The following MOXD1 variants were observed in gnomAD, a reference collection of about 807,000 sequenced individuals.
MOXD1 encodes DBH-like monooxygenase protein 1.
In MOXD1, 62 loss-of-function variants were observed where a neutral mutation model predicts 66.6. That is an observed-to-expected ratio of 0.93 (90% CI 0.76 to 1.15). MOXD1 has a LOEUF of 1.15. Among genes scored for constraint, MOXD1 ranks in the 50% most tolerant of loss-of-function variants. The probability of loss-of-function intolerance (pLI) is 0.00; values close to 1 mark genes in which losing one functional copy is unlikely to be tolerated. For missense variants in MOXD1, 847 were observed against 754.6 expected, an observed-to-expected ratio of 1.12 and a Z score of -1.44; for synonymous variants, 303 against 281.9, an observed-to-expected ratio of 1.07 and a Z score of -0.75.
chr6:132,317,429 A>G (rs549478071), intron 9 of MOXD1, among the ~76,000 whole-genome samples: 2 of 152,282 alleles, frequency 1.3e-5, no homozygotes, highest in African/African-American at 4.8e-5. Flanking sequence ...TCAGAGTTGT[A>G]CCAAATTGTA....
At chr6:132,313,262 G>A (rs1009958559) in intron 10 of MOXD1, among the ~76,000 whole-genome samples, 5 of 152,086 alleles carry the variant, frequency 3.3e-5, no homozygotes, top group South Asian at 2.1e-4. Context: ...CTATAAAACC[G>A]GGATTGCATG....
At chr6:132,377,358 T>C (rs1776415276) in intron 1 of MOXD1, among the ~76,000 whole-genome samples, 1 of 152,224 alleles carries the variant, frequency 6.6e-6, no homozygotes, top group Admixed American at 6.5e-5. Flanking sequence ...GAACTCATAT[T>C]TCATTACATG....
chr6:132,366,855 A>G (rs1022139195), intron 4 of MOXD1, among the ~76,000 whole-genome samples: 3 of 152,114 alleles, frequency 2.0e-5, no homozygotes, highest in Non-Finnish European at 2.9e-5. Flanking sequence ...TCAATTTTCG[A>G]GTGGCTATTT....
chr6:132,333,471 T>C (rs1409098174), intron 4 of MOXD1, among the ~76,000 whole-genome samples: 1 of 152,118 alleles, frequency 6.6e-6, no homozygotes, highest in Non-Finnish European at 1.5e-5. Flanking sequence ...TTGCCTCTAT[T>C]CAAAAATATT....
In MOXD1 at chr6:132,349,406, CATATATATATAT is replaced by C. The variant is rs539329852; in HGVS notation, c.664-20824_664-20813del. On this transcript the variant is annotated intron_variant, in intron 4 of 11. Coordinates refer to ENST00000367963, the MANE Select transcript of MOXD1 (RefSeq NM_015529.4). ...GTATATATATATACACATATATATA[CATATATATATAT>C]ATACATATATATATATACATATATA... Among the ~76,000 whole-genome samples, 2 of 72,044 alleles carry C rather than the reference CATATATATATAT, an allele frequency of 2.8e-5. 1 individual carries two copies. Among genetic ancestry groups the C allele is most frequent in the Non-Finnish European group, 4.8e-5 (2 of 41,514 alleles). 47.3% of individuals were successfully genotyped at this position (72,044 alleles called of 152,430 possible).
At chr6:132,326,796 A>C (rs1188023718) in intron 6 of MOXD1, among the ~76,000 whole-genome samples, 3 of 152,214 alleles carry the variant, frequency 2.0e-5, no homozygotes, top group East Asian at 1.9e-4. Context: ...TTAGGGTAAA[A>C]AAAGATACTT....
chr6:132,296,716 A>G lies in MOXD1; in HGVS notation c.*437T>C, dbSNP rs1006656937. 2.6e-5 allele frequency: 4 copies of G among 153,164 alleles called. No individual in the cohort carries two copies. The highest frequency in any genetic ancestry group is 2.6e-4 in the Admixed American group (4 of 15,392). 9.5% of individuals were successfully genotyped at this position (153,164 alleles called of 1,614,324 possible). A position where few individuals can be genotyped will look rare whatever the true frequency, so the allele number is the denominator to read the frequency against. On this transcript the variant is annotated 3_prime_UTR_variant, in exon 12 of 12. Coordinates refer to ENST00000367963, the MANE Select transcript of MOXD1 (RefSeq NM_015529.4). ...ACACTTGAAAAGTCACACTAGAAGA[A>G]CAACAAAGAAGAAGAAAACTGGAAT...
intron 10 of MOXD1, among the ~76,000 whole-genome samples, chr6:132,299,025 G>A (rs1774472041): frequency 6.6e-6 from 1 of 152,016 alleles, no homozygotes; most frequent in Non-Finnish European, 1.5e-5. Context: ...ATCAACCAAG[G>A]TGTCCATCAA....
chr6:132,352,997 T>G (rs1361043153), intron 4 of MOXD1, among the ~76,000 whole-genome samples: 10 of 152,202 alleles, frequency 6.6e-5, no homozygotes, highest in Admixed American at 5.9e-4. Context: ...TGAAATGCCT[T>G]TCTCCACCCC....
intron 4 of MOXD1, among the ~76,000 whole-genome samples, chr6:132,341,168 T>C (rs771002278): frequency 5.3e-5 from 8 of 152,174 alleles, no homozygotes; most frequent in African/African-American, 1.7e-4. Context: ...GTAGGGTCTT[T>C]AAGAGGTGAT....
At chr6:132,325,257 G>T (rs995726999) in intron 6 of MOXD1, 3 of 152,208 alleles carry the variant, frequency 2.0e-5, no homozygotes, top group Non-Finnish European at 4.4e-5. Context: ...TGACTCTGGA[G>T]CTGACCAACC....
At chr6:132,380,891 T>C (rs180789597) in intron 1 of MOXD1, among the ~76,000 whole-genome samples, 1 of 152,236 alleles carries the variant, frequency 6.6e-6, no homozygotes. Context: ...TCTGGGAATG[T>C]TGTTGTGACC....
intron 1 of MOXD1, among the ~76,000 whole-genome samples, chr6:132,378,875 CTTTTTTTTTTTTT>C (rs3038136): frequency 4.1e-4 from 17 of 41,878 alleles, no homozygotes; most frequent in Non-Finnish European, 8.3e-4. Context: ...AACACTTCCT[CTTTTTTTTTTTTT>C]TTTTTTTTTT....
At chr6:132,367,562 A>AT (rs1354691602) in intron 4 of MOXD1, among the ~76,000 whole-genome samples, 1 of 152,182 alleles carries the variant, frequency 6.6e-6, no homozygotes, top group African/African-American at 2.4e-5. Context: ...TTTAAGCCTG[A>AT]TACTGCATCC....
chr6:132,392,278 T>C, intron 1 of MOXD1: 1 of 1,602,392 alleles, frequency 6.2e-7, no homozygotes, highest in South Asian at 1.1e-5. Flanking sequence ...CAGGCCTCAG[T>C]TTTTGAGACA....
chr6:132,357,058 A>C (rs1775922799), intron 4 of MOXD1, among the ~76,000 whole-genome samples: 1 of 152,072 alleles, frequency 6.6e-6, no homozygotes, highest in Non-Finnish European at 1.5e-5. Context: ...TAGAGAAAAA[A>C]ACTCCTTAAT....
intron 4 of MOXD1, among the ~76,000 whole-genome samples, chr6:132,364,942 T>A (rs1776089999): frequency 6.6e-6 from 1 of 152,164 alleles, no homozygotes; most frequent in South Asian, 2.1e-4. Context: ...TAGGCCATGG[T>A]ACAACCACTA....
At position 132,395,780 on chromosome 6, in the gene MOXD1, G is replaced by T. The variant is rs568338941; in HGVS notation, c.264+5383C>A. ...GTATAAAACACTAAAAAGTGACAAAGAATGTCATTATGTAATAATAAAGGG... is the reference window on the plus strand; with the variant it reads ...GTATAAAACACTAAAAAGTGACAAATAATGTCATTATGTAATAATAAAGGG... On this transcript the variant is annotated intron_variant, in intron 1 of 11. Coordinates refer to ENST00000367963, the MANE Select transcript of MOXD1 (RefSeq NM_015529.4). 2.1e-3 allele frequency among the ~76,000 whole-genome samples: 321 copies of T among 152,230 alleles called. 1 individual carries two copies. The highest frequency in any genetic ancestry group is 7.5e-3 in the African/African-American group (310 of 41,542).
At chr6:132,380,356 A>G (rs1776483685) in intron 1 of MOXD1, among the ~76,000 whole-genome samples, 1 of 152,142 alleles carries the variant, frequency 6.6e-6, no homozygotes, top group African/African-American at 2.4e-5. Context: ...CGGGACCTGT[A>G]CTAATTGCTC....
Sources: gnomAD v4.1 joint callset for allele counts (sites outside exome capture counted in the v4.1 genomes callset) on GRCh38, gnomAD v4.1.1 for gene constraint, MANE v1.5 for transcripts, NCBI Gene and HGNC (gene_info 2026-07-23, HGNC 2026-07-21) for gene names.